POGLUT3: variants seen among roughly 807,000 people sequenced by gnomAD.
POGLUT3 encodes protein O-glucosyltransferase 3.
Under a neutral mutation model 54.3 loss-of-function variants are expected in POGLUT3, and 48 were observed. That is an observed-to-expected ratio of 0.88 (90% confidence interval 0.70 to 1.12). POGLUT3 has a LOEUF of 1.12. Among genes scored for constraint, POGLUT3 ranks in the 50% most tolerant of loss-of-function variants. POGLUT3 has a pLI of 0.00. For synonymous variants in POGLUT3, 218 were observed against 237.4 expected, an observed-to-expected ratio of 0.92 and a Z score of 0.75; for missense variants, 629 against 618.7, an observed-to-expected ratio of 1.02 and a Z score of -0.18.
intron 2 of POGLUT3, among the ~76,000 whole-genome samples, chr11:108,490,060 G>C (rs557935673): frequency 6.6e-6 from 1 of 151,960 alleles, no homozygotes; most frequent in Non-Finnish European, 1.5e-5. Flanking sequence ...CTAATTTTTT[G>C]TAGAGATGGG....
intron 1 of POGLUT3, among the ~76,000 whole-genome samples, chr11:108,497,100 GT>G (rs2093623499): frequency 6.6e-6 from 1 of 152,174 alleles, no homozygotes; most frequent in Non-Finnish European, 1.5e-5. Context: ...ACAGTGATCA[GT>G]TATTTGCATG....
chr11:108,482,374 C>T, intron 3 of POGLUT3, 152 bp from the exon 4 acceptor site: 1 of 603,512 alleles, frequency 1.7e-6, no homozygotes, highest in Non-Finnish European at 2.9e-6. Context: ...GACAGGATGG[C>T]TGTGAATTTG....
chr11:108,479,366 A>G lies in POGLUT3; in HGVS notation c.1228T>C (p.Trp410Arg). The change falls in exon 6 of 8, where the codon TGG (tryptophan) becomes CGG (arginine). Residue 410 changes from tryptophan to arginine, a missense_variant. Transcript: ENST00000323468. ...CTTTTAATTGGAACATAATGCTTCC[A>G]AGGTTCTAGTGCCATGTAGAAATGT... ...YEHFYMALEPWKHYVPIKRNL... is the reference protein window; with the variant it reads ...YEHFYMALEPRKHYVPIKRNL... 1 of 1,612,088 alleles carries G rather than the reference A, an allele frequency of 6.2e-7. No homozygotes were observed. Among genetic ancestry groups the G allele is most frequent in the Non-Finnish European group, 8.5e-7 (1 of 1,179,686 alleles).
At chr11:108,483,985 T>C (rs2135853674) in intron 3 of POGLUT3, among the ~76,000 whole-genome samples, 1 of 152,230 alleles carries the variant, frequency 6.6e-6, no homozygotes, top group African/African-American at 2.4e-5. Context: ...CTATTATTTA[T>C]AAACTCTTTA....
Position 108,472,126 on chromosome 11 carries a change from G to C in POGLUT3, c.*2701C>G, listed in dbSNP as rs1467864467. On this transcript the variant is annotated 3_prime_UTR_variant, in exon 8 of 8. Transcript: ENST00000323468. Reference sequence around the variant, plus strand: ...GGTATCTTTTTCAACTTTTTATTTAGAAAATTTATTTTATTTAAAAGGTAT... The same window carrying C: ...GGTATCTTTTTCAACTTTTTATTTACAAAATTTATTTTATTTAAAAGGTAT... 6.6e-6 allele frequency: 1 copy of C among 151,882 alleles called. No individual in the cohort carries two copies. The highest frequency in any genetic ancestry group is 1.5e-5 in the Non-Finnish European group (1 of 67,982). The allele number at this position is 151,882 out of a possible 1,614,324, so 9.4% of individuals were successfully genotyped here.
Position 108,486,174 on chromosome 11 carries a change from A to G in POGLUT3, c.667T>C (p.Leu223=), listed in dbSNP as rs2093602902. ...TCTCCTACCTTTCTTGTCAATGATA[A>G]CAAAATCTCATCAGAGAACATCTTG... ...DFKMFSDEIL[L]SLTRKVLLPD... is the part of the protein sequence containing the mutation. The change falls in exon 3 of 8, where the codon TTA becomes CTA. Residue 223 remains leucine (L), a synonymous_variant. Coordinates refer to ENST00000323468, the MANE Select transcript of POGLUT3 (RefSeq NM_153705.5). The G allele has an allele frequency of 2.5e-6, 4 of 1,609,284 alleles. No homozygotes were observed. Among genetic ancestry groups the G allele is most frequent in the Admixed American group, 1.7e-5 (1 of 59,910 alleles).
At chr11:108,478,425 A>C (rs112396356) in intron 6 of POGLUT3, among the ~76,000 whole-genome samples, 1 of 152,226 alleles carries the variant, frequency 6.6e-6, no homozygotes, top group African/African-American at 2.4e-5. Flanking sequence ...CTCTCTGCAT[A>C]ACAGGAGAAT....
In POGLUT3 at chr11:108,472,325, A is replaced by G. The variant is rs1237800418; in HGVS notation, c.*2502T>C. Reference sequence around the variant, plus strand: ...TTGATCCATACTTACAGTAAAAAAAAATCTAAATATTATAGAAAGGTATAA... The same window carrying G: ...TTGATCCATACTTACAGTAAAAAAAGATCTAAATATTATAGAAAGGTATAA... On this transcript the variant is annotated 3_prime_UTR_variant, in exon 8 of 8. Coordinates refer to ENST00000323468, the MANE Select transcript of POGLUT3 (RefSeq NM_153705.5). The G allele has an allele frequency of 2.0e-5, 3 of 152,148 alleles. No individual in the cohort carries two copies. Among genetic ancestry groups the G allele is most frequent in the Non-Finnish European group, 2.9e-5 (2 of 68,024 alleles). 9.4% of individuals were successfully genotyped at this position (152,148 alleles called of 1,614,324 possible). A position where few individuals can be genotyped will look rare whatever the true frequency, so the allele number is the denominator to read the frequency against.
intron 7 of POGLUT3, among the ~76,000 whole-genome samples, 159 bp downstream of exon 7, chr11:108,477,448 G>A (rs2093584083): frequency 6.6e-6 from 1 of 151,948 alleles, no homozygotes; most frequent in Non-Finnish European, 1.5e-5. Context: ...ACCAAATGAA[G>A]ACTTAGCACT....
intron 1 of POGLUT3, chr11:108,491,570 G>T: frequency 4.5e-6 from 1 of 223,778 alleles, no homozygotes; most frequent in Non-Finnish European, 8.8e-6. Flanking sequence ...GGCGGGATGG[G>T]TTGGAGGGGG....
rs2093612334 is a variant in POGLUT3, at chr11:108,491,084, T to C, written c.286A>G (p.Asn96Asp). The C allele has an allele frequency of 1.2e-6, 2 of 1,614,052 alleles. No homozygotes were observed. Among genetic ancestry groups the C allele is most frequent in the Non-Finnish European group, 1.7e-6 (2 of 1,179,908 alleles). Residue 96 changes from asparagine (N) to aspartate (D), a missense_variant, in exon 2 of 8, where the codon AAT becomes GAT. By Grantham distance (23) the Asn-to-Asp change is conservative. Transcript: ENST00000323468. The part of the protein sequence containing the change: ...RIHVPKPLDR[N>D]DGTFLMRYRM... ...TATCTCATCAAAAATGTTCCATCAT[T>C]CCTGTCCAAAGGTTTAGGGACATGT... is the stretch of plus-strand genomic sequence containing the variant.
intron 1 of POGLUT3, among the ~76,000 whole-genome samples, chr11:108,493,907 T>G (rs371456461): frequency 3.3e-5 from 5 of 151,916 alleles, no homozygotes; most frequent in African/African-American, 9.7e-5. Flanking sequence ...GCAGTGACTA[T>G]GTAGACAAAA....
At position 108,490,060 on chromosome 11, in the gene POGLUT3, G is replaced by A. The variant is rs557935673; in HGVS notation, c.400+910C>T. Among the ~76,000 whole-genome samples the A allele has an allele frequency of 1.7e-4, 26 of 152,078 alleles. No individual in the cohort carries two copies. The South Asian group carries it at 2.9e-3, about 17-fold the overall frequency. ...TGCCGCCACACCCAGCTAATTTTTT[G>A]TAGAGATGGGTTTTTGCCATGTTGC... On this transcript the variant is annotated intron_variant, in intron 2 of 7. Transcript: ENST00000323468.
chr11:108,486,623 C>G (rs2093603914), intron 2 of POGLUT3, 183 bp from the exon 3 acceptor site: 3 of 619,084 alleles, frequency 4.8e-6, no homozygotes, highest in African/African-American at 1.8e-5. Context: ...TTCACACCAC[C>G]TTGGATAAAC....
At chr11:108,493,466 G>T (rs1591645924) in intron 1 of POGLUT3, among the ~76,000 whole-genome samples, 1 of 152,122 alleles carries the variant, frequency 6.6e-6, no homozygotes, top group Non-Finnish European at 1.5e-5. Flanking sequence ...CAAATGGAAG[G>T]CATGAAAATT....
intron 2 of POGLUT3, among the ~76,000 whole-genome samples, chr11:108,488,143 C>A (rs995709018): frequency 1.3e-5 from 2 of 152,132 alleles, no homozygotes; most frequent in South Asian, 4.1e-4. Context: ...CCTGCCTCAG[C>A]CTCCTGAATA....
rs192515904 is a variant in POGLUT3, at chr11:108,482,739, C to T, written c.685-517G>A. ...CCAGCCTGGGCGACAGAGCAAGACT[C>T]TGTCTCCAAAAAAATAGAAAAAGAA... On this transcript the variant is annotated intron_variant, in intron 3 of 7. Transcript: ENST00000323468. 2.0e-5 allele frequency among the ~76,000 whole-genome samples: 3 copies of T among 152,162 alleles called. No individual in the cohort carries two copies. In the East Asian group the frequency reaches 5.8e-4, roughly 29 times the overall value.
chr11:108,494,949 G>T (rs1245768272), intron 1 of POGLUT3, among the ~76,000 whole-genome samples: 2 of 152,090 alleles, frequency 1.3e-5, no homozygotes, highest in African/African-American at 4.8e-5. Flanking sequence ...GGAGTTTACT[G>T]AAAATAAAGA....
rs758051092 is a variant in POGLUT3 at position 108,498,290 on chromosome 11, A to G, written c.77T>C (p.Leu26Pro). The G allele has an allele frequency of 4.1e-6, 6 of 1,477,254 alleles. No homozygotes were observed. Among genetic ancestry groups the G allele is most frequent in the Non-Finnish European group, 5.4e-6 (6 of 1,112,358 alleles). 91.5% of individuals were successfully genotyped at this position (1,477,254 alleles called of 1,614,324 possible). The change falls in exon 1 of 8, where the codon CTG (leucine) becomes CCG (proline). Residue 26 changes from leucine to proline, a missense_variant. Coordinates refer to ENST00000323468, the MANE Select transcript of POGLUT3 (RefSeq NM_153705.5). ...LLVAAGAPEV[L>P]VSAPRSLVWG... ...CACCAGGCTCCGCGGCGCGCTGACC[A>G]GCACCTCCGGGGCCCCCGCGGCCAC...
Sources: allele counts gnomAD v4.1 joint callset (sites outside exome capture counted in the v4.1 genomes callset), GRCh38; gene constraint gnomAD v4.1.1; transcripts MANE v1.5; gene names NCBI Gene and HGNC (gene_info 2026-07-23, HGNC 2026-07-21).